The following ABCA1 variants were observed in gnomAD, a reference collection of about 807,000 sequenced individuals.
ABCA1 encodes the protein ATP binding cassette subfamily A member 1.
ABCA1 carries 133 observed loss-of-function variants against 262.5 expected under a neutral mutation model. That is an observed-to-expected ratio of 0.51 (90% CI 0.44 to 0.59). ABCA1 has a LOEUF of 0.59. Among genes scored for constraint, ABCA1 ranks in the 20% least tolerant of loss-of-function variants. The probability of loss-of-function intolerance (pLI) is 0.00; values close to 1 mark genes in which losing one functional copy is unlikely to be tolerated. For synonymous variants in ABCA1, 1,022 were observed against 1,043.5 expected (o/e 0.98, Z 0.40); for missense variants, 2,452 against 2,777.5 (o/e 0.88, Z 2.63).
chr9:104,822,718 G>A lies in ABCA1; in HGVS notation c.2657-51C>T, dbSNP rs777612485. ...GAACCCACAGAAAGCACTGAGGAGT[G>A]GAGTGTAAGGACACAGGGCACTGCG... On this transcript the variant is annotated intron_variant, in intron 18 of 49. Transcript: ENST00000374736. The A allele has an allele frequency of 1.7e-5, 27 of 1,602,242 alleles. No individual in the cohort carries two copies. In the South Asian group the frequency reaches 2.6e-4, roughly 16 times the overall value.
intron 20 of ABCA1, 57 bp from the exon 21 acceptor site, chr9:104,820,126 G>A: frequency 1.2e-6 from 2 of 1,604,646 alleles, no homozygotes; most frequent in Admixed American, 3.3e-5. Flanking sequence ...AGAATACAGT[G>A]TCCCCTGGCC....
intron 48 of ABCA1, 67 bp downstream of exon 48, chr9:104,786,231 T>A (rs961131909): frequency 2.3e-6 from 3 of 1,292,942 alleles, no homozygotes; most frequent in African/African-American, 2.9e-5. Context: ...ACCATTTATA[T>A]ACTCACAAAA....
At chr9:104,784,493 T>G (rs1828736510) in intron 49 of ABCA1, 38 bp from the exon 50 acceptor site, 1 of 1,612,956 alleles carries the variant, frequency 6.2e-7, no homozygotes, top group African/African-American at 1.3e-5. Flanking sequence ...TAAATACCAC[T>G]CAACTTGCTC....
At chr9:104,800,025 C>A in intron 35 of ABCA1, 37 bp from the exon 36 acceptor site, 1 of 1,613,420 alleles carries the variant, frequency 6.2e-7, no homozygotes, top group Non-Finnish European at 8.5e-7. Flanking sequence ...GTAATGCCCC[C>A]AAACCGGGCT....
chr9:104,844,160 G>T (rs1369039102), intron 8 of ABCA1, among the ~76,000 whole-genome samples: 10 of 152,078 alleles, frequency 6.6e-5, no homozygotes. Context: ...AGGGACAGAG[G>T]GCTGCGAGGG....
At chr9:104,786,204 C>A in intron 48 of ABCA1, 94 bp downstream of exon 48, 1 of 1,067,026 alleles carries the variant, frequency 9.4e-7, no homozygotes, top group Non-Finnish European at 1.4e-6. Context: ...AGTTTTATTT[C>A]CCTTTATGTT....
chr9:104,916,380 C>T (rs1000074394), intron 1 of ABCA1, among the ~76,000 whole-genome samples: 1 of 152,010 alleles, frequency 6.6e-6, no homozygotes, highest in African/African-American at 2.4e-5. Flanking sequence ...CAAAAAATTC[C>T]AGTTGAAAGA....
At chr9:104,919,522 G>A (rs191094799) in intron 1 of ABCA1, among the ~76,000 whole-genome samples, 1 of 152,198 alleles carries the variant, frequency 6.6e-6, no homozygotes, top group East Asian at 1.9e-4. Context: ...TGAGGCAGGA[G>A]AACTGCTTGA....
intron 43 of ABCA1, among the ~76,000 whole-genome samples, chr9:104,791,457 A>T (rs1489257153): frequency 6.6e-6 from 1 of 152,162 alleles, no homozygotes; most frequent in Non-Finnish European, 1.5e-5. Context: ...TGTTGTTGAC[A>T]TGAGTCTCAC....
intron 5 of ABCA1, among the ~76,000 whole-genome samples, chr9:104,874,616 C>A (rs1330412280): frequency 6.6e-6 from 1 of 152,092 alleles, no homozygotes; most frequent in Non-Finnish European, 1.5e-5. Context: ...CAGAGCCGGG[C>A]GCAGTGGCTC....
intron 31 of ABCA1, among the ~76,000 whole-genome samples, chr9:104,805,479 C>T (rs1271833652): frequency 6.6e-6 from 1 of 152,070 alleles, no homozygotes; most frequent in Non-Finnish European, 1.5e-5. Context: ...ATAAAAGCAG[C>T]AGAGAGCTAT....
chr9:104,799,792 C>T, intron 36 of ABCA1, 27 bp downstream of exon 36: 1 of 1,614,144 alleles, frequency 6.2e-7, no homozygotes, highest in Non-Finnish European at 8.5e-7. Context: ...TGCCCCACTC[C>T]ATCTATACAG....
At chr9:104,837,679 C>T (rs1242118992) in intron 9 of ABCA1, 112 bp from the exon 10 acceptor site, 5 of 1,276,034 alleles carry the variant, frequency 3.9e-6, no homozygotes, top group Non-Finnish European at 5.5e-6. Flanking sequence ...TCTACCACTA[C>T]TAGTCATATA....
Position 104,788,536 on chromosome 9 carries a change from T to C in ABCA1, c.5959A>G (p.Asn1987Asp), listed in dbSNP as rs747424713. The C allele has an allele frequency of 1.2e-6, 2 of 1,614,088 alleles. No individual in the cohort carries two copies. Among genetic ancestry groups the C allele is most frequent in the Non-Finnish European group, 1.7e-6 (2 of 1,180,032 alleles). Residue 1987 changes from asparagine to aspartate, a missense_variant, in exon 45 of 50, where the codon AAC becomes GAC. Asn to Asp is a conservative substitution (Grantham distance 23, BLOSUM62 1). Around this residue, in one of 4 missense-constraint regions of ABCA1, gnomAD observed 752 missense variants for 944.5 expected, o/e 0.80. Transcript: ENST00000374736. ...ILSNIHEVHQ[N>D]MGYCPQFDAI... ...TCAAACTGAGGGCAGTAGCCCATGT[T>C]CTGATGTACTTCATGGATGTTTGAT...
At chr9:104,816,882 C>A (rs1831823092) in intron 24 of ABCA1, among the ~76,000 whole-genome samples, 1 of 152,172 alleles carries the variant, frequency 6.6e-6, no homozygotes, top group Admixed American at 6.5e-5. Context: ...GCAGAGATAG[C>A]AAGGGTCAAG....
chr9:104,831,059 C>T lies in ABCA1; in HGVS notation c.1758G>A (p.Met586Ile). The T allele has an allele frequency of 6.2e-7, 1 of 1,612,900 alleles. No individual in the cohort carries two copies. Among genetic ancestry groups the T allele is most frequent in the Non-Finnish European group, 8.5e-7 (1 of 1,179,824 alleles). ...PGPRADPFED[M>I]RYVWGGFAYL... ...AGGCGAAGCCCCCCCAGACGTACCG[C>T]ATGTCCTCAAAGGGGTCAGCTCGAG... Residue 586 changes from methionine (M) to isoleucine (I), a missense_variant, in exon 14 of 50, where the codon ATG becomes ATA. Physicochemically the swap from Met to Ile is conservative, Grantham distance 10. Transcript: ENST00000374736.
intron 5 of ABCA1, among the ~76,000 whole-genome samples, chr9:104,870,342 C>T (rs74955922): frequency 0.039 from 5,996 of 152,230 alleles, 401 homozygotes; most frequent in African/African-American, 0.14. Context: ...TAACAAAATC[C>T]CTGCCCTTGC....
At position 104,861,486 on chromosome 9, in the gene ABCA1, T is replaced by A. The variant is rs535852959; in HGVS notation, c.543+193A>T. 7.1e-6 allele frequency: 5 copies of A among 701,068 alleles called. No individual in the cohort carries two copies. In the African/African-American group the frequency reaches 8.8e-5, roughly 12 times the overall value. 43.4% of individuals were successfully genotyped at this position (701,068 alleles called of 1,614,324 possible). A position where few individuals can be genotyped will look rare whatever the true frequency, so the allele number is the denominator to read the frequency against. ...TAACCAGCTGGCCCATGACGCCAGG[T>A]TGCATATTCCACTCCTGGATGGTTT... On this transcript the variant is annotated intron_variant, in intron 6 of 49. Coordinates refer to ENST00000374736, the MANE Select transcript of ABCA1 (RefSeq NM_005502.4).
At chr9:104,786,052 A>G (rs1828902202) in intron 48 of ABCA1, among the ~76,000 whole-genome samples, 1 of 152,212 alleles carries the variant, frequency 6.6e-6, no homozygotes, top group Non-Finnish European at 1.5e-5. Context: ...CAAAGCTAGG[A>G]GGTAGATCTT....
Sources: gnomAD v4.1 joint callset for allele counts (sites outside exome capture counted in the v4.1 genomes callset) on GRCh38, gnomAD v4.1.1 for gene constraint, gnomAD v4.1.1 regional missense constraint, MANE v1.5 for transcripts, NCBI Gene and HGNC (gene_info 2026-07-23, HGNC 2026-07-21) for gene names.